MTA3: variants seen among roughly 807,000 people sequenced by gnomAD.
MTA3 encodes metastasis-associated protein MTA3.
A neutral mutation model predicts 83.5 loss-of-function variants in MTA3; 34 were observed. The ratio of observed to expected loss-of-function variants is 0.41; its 90% CI spans 0.31 to 0.54. MTA3 has a LOEUF of 0.54. Among genes scored for constraint, MTA3 ranks in the 20% least tolerant of loss-of-function variants. The pLI is 0.33. For missense variants in MTA3, 761 were observed against 726.4 expected, an observed-to-expected ratio of 1.05 and a Z score of -0.55; for synonymous variants, 303 against 252.7, an observed-to-expected ratio of 1.20 and a Z score of -1.89.
chr2:42,680,371 C>T (rs990469893), intron 8 of MTA3: 2 of 152,110 alleles, frequency 1.3e-5, no homozygotes, highest in African/African-American at 2.4e-5. Context: ...TGGAGATGCA[C>T]GACTTAAGCC....
intron 3 of MTA3, among the ~76,000 whole-genome samples, chr2:42,606,306 G>T (rs1406452760): frequency 6.7e-6 from 1 of 150,086 alleles, no homozygotes; most frequent in Non-Finnish European, 1.5e-5. Flanking sequence ...TCCCAGATCG[G>T]GTGGCTGCCG....
intron 2 of MTA3, among the ~76,000 whole-genome samples, chr2:42,505,909 C>T (rs1379000085): frequency 2.6e-5 from 4 of 151,630 alleles, no homozygotes; most frequent in Non-Finnish European, 4.4e-5. Context: ...GCTGGGATTA[C>T]AGGTGCCTGC....
chr2:42,656,470 A>AGCT (rs1013876501), intron 7 of MTA3, among the ~76,000 whole-genome samples, 168 bp downstream of exon 7: 2 of 152,134 alleles, frequency 1.3e-5, no homozygotes, highest in African/African-American at 4.8e-5. Flanking sequence ...AATTTTATTA[A>AGCT]TTTCTGTTTT....
chr2:42,731,885 A>G (rs1300989136), intron 16 of MTA3, among the ~76,000 whole-genome samples: 1 of 152,192 alleles, frequency 6.6e-6, no homozygotes, highest in Non-Finnish European at 1.5e-5. Flanking sequence ...GGGTACAGGT[A>G]TTGGGTAAAT....
chr2:42,589,667 C>T (rs1481229693), intron 3 of MTA3, among the ~76,000 whole-genome samples: 11 of 152,150 alleles, frequency 7.2e-5, no homozygotes, highest in African/African-American at 2.7e-4. Flanking sequence ...ATTCTCCTGC[C>T]TCAGCTTCTG....
chr2:42,506,901 C>T (rs1404694729), intron 2 of MTA3, among the ~76,000 whole-genome samples: 1 of 151,632 alleles, frequency 6.6e-6, no homozygotes, highest in Non-Finnish European at 1.5e-5. Flanking sequence ...GCCACCGCGC[C>T]TGGCCTGTTT....
intron 8 of MTA3, among the ~76,000 whole-genome samples, chr2:42,664,456 C>A (rs1369258780): frequency 6.8e-6 from 1 of 146,834 alleles, no homozygotes; most frequent in African/African-American, 2.6e-5. Context: ...TACCCCCTCA[C>A]CCCGCTTACC....
intron 6 of MTA3, among the ~76,000 whole-genome samples, chr2:42,650,247 G>T (rs533995672): frequency 6.6e-6 from 1 of 152,302 alleles, no homozygotes; most frequent in Non-Finnish European, 1.5e-5. Flanking sequence ...TCTGGTAGAG[G>T]GGGTAGAGGT....
chr2:42,697,020 A>C (rs539152908), intron 10 of MTA3, among the ~76,000 whole-genome samples: 1 of 152,360 alleles, frequency 6.6e-6, no homozygotes, highest in South Asian at 2.1e-4. Flanking sequence ...TAAAAGTTTC[A>C]AGTTGTCCCC....
chr2:42,552,345 A>C (rs1677151115), intron 2 of MTA3, among the ~76,000 whole-genome samples: 1 of 152,226 alleles, frequency 6.6e-6, no homozygotes, highest in Non-Finnish European at 1.5e-5. Flanking sequence ...TTTCTTAGAT[A>C]AATTAATGAA....
intron 4 of MTA3, among the ~76,000 whole-genome samples, chr2:42,619,547 AT>A (rs1290735424): frequency 6.6e-6 from 1 of 152,208 alleles, no homozygotes; most frequent in Non-Finnish European, 1.5e-5. Context: ...GAAAAGTTAA[AT>A]AAATGTGGGA....
At chr2:42,737,885 T>C (rs1339492683) in intron 16 of MTA3, among the ~76,000 whole-genome samples, 2 of 152,176 alleles carry the variant, frequency 1.3e-5, no homozygotes, top group East Asian at 1.9e-4. Flanking sequence ...AGAGATACTA[T>C]TGAGTTCAGT....
chr2:42,538,767 G>GTTT (rs1306095679), intron 2 of MTA3, among the ~76,000 whole-genome samples: 17 of 72,702 alleles, frequency 2.3e-4, no homozygotes, highest in Admixed American at 5.7e-4. Flanking sequence ...TGTTTTTTTT[G>GTTT]TTTTTTTTTG....
In MTA3 at chr2:42,621,883, ACTT is replaced by A. The variant is rs1467780378; in HGVS notation, c.317+12301_317+12303del. On this transcript the variant is annotated intron_variant, in intron 4 of 16. Coordinates refer to ENST00000405094, the MANE Select transcript of MTA3 (RefSeq NM_001330442.2). ...GGGCGGCCAGGCAGAGATGCTCCTCACTTCCTAGACGGGAAGAGGCGCTCCTCA... is the reference window on the plus strand; with the variant it reads ...GGGCGGCCAGGCAGAGATGCTCCTCACCTAGACGGGAAGAGGCGCTCCTCA... 2.0e-5 allele frequency among the ~76,000 whole-genome samples: 3 copies of A among 146,708 alleles called. No individual in the cohort carries two copies. In the East Asian group the frequency reaches 6.1e-4, roughly 30 times the overall value.
intron 3 of MTA3, 76 bp downstream of exon 3, chr2:42,579,276 C>T: frequency 9.4e-7 from 1 of 1,065,864 alleles, no homozygotes; most frequent in Non-Finnish European, 1.4e-6. Flanking sequence ...CATGCTTTTT[C>T]TTACCTGAAG....
At chr2:42,701,841 G>C (rs1000042496) in intron 11 of MTA3, among the ~76,000 whole-genome samples, 1 of 151,266 alleles carries the variant, frequency 6.6e-6, no homozygotes, top group African/African-American at 2.4e-5. Flanking sequence ...TGAACCTGCC[G>C]GGGGCAGAGG....
intron 16 of MTA3, among the ~76,000 whole-genome samples, chr2:42,727,233 C>T (rs920813976): frequency 3.3e-5 from 5 of 152,088 alleles, no homozygotes; most frequent in South Asian, 2.1e-4. Flanking sequence ...AATCTGCATA[C>T]GCAAGAAGCC....
At chr2:42,658,514 G>A (rs1689382171) in intron 7 of MTA3, among the ~76,000 whole-genome samples, 1 of 152,120 alleles carries the variant, frequency 6.6e-6, no homozygotes, top group South Asian at 2.1e-4. Context: ...TAACAACATG[G>A]ATGAACCCAC....
intron 2 of MTA3, among the ~76,000 whole-genome samples, chr2:42,570,855 AC>A (rs1678396233): frequency 6.6e-6 from 1 of 151,840 alleles, no homozygotes; most frequent in East Asian, 1.9e-4. Context: ...TACTAAAAAT[AC>A]AAAAAAAATA....
Sources: allele counts gnomAD v4.1 joint callset (sites outside exome capture counted in the v4.1 genomes callset), GRCh38; gene constraint gnomAD v4.1.1; transcripts MANE v1.5; gene names NCBI Gene and HGNC (gene_info 2026-07-23, HGNC 2026-07-21).